SNTG1: variants seen among roughly 807,000 people sequenced by gnomAD.
SNTG1 encodes the protein gamma-1-syntrophin.
SNTG1 carries 39 observed loss-of-function variants against 74.7 expected under a neutral mutation model. The observed-to-expected ratio is 0.52, with a 90% CI of 0.40 to 0.68. The LOEUF is 0.68. SNTG1 is among the 30% of genes least tolerant of loss of function. The pLI is 0.00. For synonymous variants in SNTG1, 254 were observed against 217.1 expected, an observed-to-expected ratio of 1.17 and a Z score of -1.49; for missense variants, 685 against 609.5, an observed-to-expected ratio of 1.12 and a Z score of -1.30.
chr8:50,195,537 C>T (rs939175174), intron 2 of SNTG1, among the ~76,000 whole-genome samples: 2 of 152,186 alleles, frequency 1.3e-5, no homozygotes, highest in Non-Finnish European at 2.9e-5. Flanking sequence ...TCCTGCTCCT[C>T]TGGTCACCCT....
At chr8:50,428,826 T>C (rs1701647953) in intron 4 of SNTG1, among the ~76,000 whole-genome samples, 1 of 152,064 alleles carries the variant, frequency 6.6e-6, no homozygotes. Flanking sequence ...TCTAGGGAGG[T>C]AAGTTCTGTG....
chr8:50,321,322 C>T (rs1001999990), intron 2 of SNTG1, among the ~76,000 whole-genome samples: 1 of 152,008 alleles, frequency 6.6e-6, no homozygotes, highest in Non-Finnish European at 1.5e-5. Flanking sequence ...ATCTTGAAAT[C>T]TATTTTGTCT....
chr8:50,269,826 A>G (rs12680748), intron 2 of SNTG1, among the ~76,000 whole-genome samples: 71,374 of 151,938 alleles, frequency 0.47, 19,316 homozygotes, highest in East Asian at 0.83. Context: ...TACAGGCAGT[A>G]TGTGGGGAGT....
intron 1 of SNTG1, among the ~76,000 whole-genome samples, chr8:50,049,005 A>C (rs1019402169): frequency 2.6e-5 from 4 of 151,932 alleles, no homozygotes; most frequent in African/African-American, 9.7e-5. Flanking sequence ...CAAAAAAGTT[A>C]AAAAAACTAT....
In SNTG1 at chr8:50,196,802, CAAAA is replaced by C. The variant is rs542608239; in HGVS notation, c.-28+24177_-28+24180del. Among the ~76,000 whole-genome samples the C allele has an allele frequency of 1.8e-3, 178 of 99,956 alleles. 1 individual carries two copies. Among genetic ancestry groups the C allele is most frequent in the African/African-American group, 6.0e-3 (168 of 28,080 alleles). The allele number at this position is 99,956 out of a possible 152,430, so 65.6% of individuals were successfully genotyped here. ...TGAAACTCCATCTCTACTAAAAATA[CAAAA>C]AAAAAAAAACAAAAAAAACCCAAAA... On this transcript the variant is annotated intron_variant, in intron 2 of 18. Transcript: ENST00000642720.
At chr8:50,579,646 T>C (rs1397754465) in intron 12 of SNTG1, among the ~76,000 whole-genome samples, 2 of 151,974 alleles carry the variant, frequency 1.3e-5, no homozygotes, top group Non-Finnish European at 2.9e-5. Context: ...ATGCATAAAG[T>C]ATAATAATAA....
intron 1 of SNTG1, among the ~76,000 whole-genome samples, chr8:49,937,357 G>A (rs961345680): frequency 5.3e-5 from 8 of 152,144 alleles, no homozygotes; most frequent in African/African-American, 2.4e-5. Flanking sequence ...AGAGGCCTGC[G>A]GGGACTTTTA....
rs573274669 is a variant in SNTG1, at chr8:50,342,198, G to C, written c.-27-52014G>C. ...GCTCATTTTAGTTCGGCATGAAGTAGTTTAAAAGTTTCCAGGATAATATCA... is the reference window on the plus strand; with the variant it reads ...GCTCATTTTAGTTCGGCATGAAGTACTTTAAAAGTTTCCAGGATAATATCA... On this transcript the variant is annotated intron_variant, in intron 2 of 18. Coordinates refer to ENST00000642720, the MANE Select transcript of SNTG1 (RefSeq NM_018967.5). Among the ~76,000 whole-genome samples the C allele has an allele frequency of 1.6e-4, 25 of 152,176 alleles. No individual in the cohort carries two copies. In the South Asian group the frequency reaches 4.8e-3, roughly 29 times the overall value.
intron 18 of SNTG1, among the ~76,000 whole-genome samples, chr8:50,760,564 G>T (rs1343056184): frequency 6.6e-6 from 1 of 151,690 alleles, no homozygotes; most frequent in African/African-American, 2.4e-5. Flanking sequence ...GTTGAATTTT[G>T]TTCAAAGGCC....
chr8:50,370,875 A>C (rs992176526), intron 2 of SNTG1, among the ~76,000 whole-genome samples: 3 of 152,158 alleles, frequency 2.0e-5, no homozygotes, highest in African/African-American at 4.8e-5. Context: ...AGTATGGATT[A>C]AGAATGAAAG....
chr8:50,347,133 C>A (rs934622639), intron 2 of SNTG1, among the ~76,000 whole-genome samples: 2 of 152,192 alleles, frequency 1.3e-5, no homozygotes, highest in African/African-American at 4.8e-5. Flanking sequence ...AGAGGAGAAG[C>A]TAATATCTGG....
intron 1 of SNTG1, among the ~76,000 whole-genome samples, chr8:49,915,311 AT>A (rs960340208): frequency 3.3e-5 from 5 of 152,172 alleles, no homozygotes; most frequent in African/African-American, 9.6e-5. Flanking sequence ...AACAAGTGTT[AT>A]ATCTGTGAGT....
intron 1 of SNTG1, among the ~76,000 whole-genome samples, chr8:50,159,163 C>A (rs999095357): frequency 2.6e-5 from 4 of 151,026 alleles, no homozygotes; most frequent in South Asian, 4.4e-4. Context: ...TGACTTTTTT[C>A]TTTATTGACT....
intron 10 of SNTG1, 118 bp downstream of exon 10, chr8:50,530,377 G>C: frequency 1.0e-6 from 1 of 988,872 alleles, no homozygotes; most frequent in Non-Finnish European, 1.5e-6. Flanking sequence ...AATCATTTAA[G>C]AATTATGATA....
chr8:50,376,756 T>TATATATATATATATATATAGAGAG (rs1381048539), intron 2 of SNTG1, among the ~76,000 whole-genome samples: 6 of 89,958 alleles, frequency 6.7e-5, no homozygotes, highest in Non-Finnish European at 1.3e-4. Flanking sequence ...TATATATATA[T>TATATATATATATATATATAGAGAG]AGAGAGAGAG....
intron 2 of SNTG1, among the ~76,000 whole-genome samples, chr8:50,219,343 T>C (rs1447142932): frequency 6.6e-6 from 1 of 152,172 alleles, no homozygotes; most frequent in Non-Finnish European, 1.5e-5. Flanking sequence ...TTATTGATTG[T>C]GATATCACAA....
rs540095010 is a variant in SNTG1, at chr8:50,570,858, C to T, written c.810+17679C>T. On this transcript the variant is annotated intron_variant, in intron 12 of 18. Coordinates refer to ENST00000642720, the MANE Select transcript of SNTG1 (RefSeq NM_018967.5). Reference sequence around the variant, plus strand: ...TGACCTTGTGATCTGCCTGCCTCAGCCTCCCAAAGTGCTGGGATTACAGGT... The same window carrying T: ...TGACCTTGTGATCTGCCTGCCTCAGTCTCCCAAAGTGCTGGGATTACAGGT... Among the ~76,000 whole-genome samples the T allele has an allele frequency of 4.5e-4, 69 of 151,972 alleles. 1 individual carries two copies. In the South Asian group the frequency reaches 0.013, roughly 29 times the overall value.
chr8:50,366,829 C>T (rs910491798), intron 2 of SNTG1, among the ~76,000 whole-genome samples: 5 of 139,252 alleles, frequency 3.6e-5, no homozygotes, highest in Non-Finnish European at 6.1e-5. Flanking sequence ...AATATATATA[C>T]CATTATATAG....
In SNTG1 at chr8:50,692,486, C is replaced by A. The variant is rs186536627; in HGVS notation, c.1039-12114C>A. On this transcript the variant is annotated intron_variant, in intron 15 of 18. Coordinates refer to ENST00000642720, the MANE Select transcript of SNTG1 (RefSeq NM_018967.5). ...TTCCAGCAGACAGGACCCTTAGCTG[C>A]AGGTCTGTTGGAGTTTGCTGGAGGT... Among the ~76,000 whole-genome samples the A allele has an allele frequency of 7.2e-5, 11 of 152,324 alleles. No homozygotes were observed. In the East Asian group the frequency reaches 9.7e-4, roughly 13 times the overall value.
Sources: allele counts gnomAD v4.1 joint callset (sites outside exome capture counted in the v4.1 genomes callset), GRCh38; gene constraint gnomAD v4.1.1; transcripts MANE v1.5; gene names NCBI Gene and HGNC (gene_info 2026-07-23, HGNC 2026-07-21).